The following AKR1E2 variants were observed in gnomAD, a reference collection of about 807,000 sequenced individuals.
The protein encoded by AKR1E2 is aldo-keto reductase family 1 member E2.
In AKR1E2, 43 loss-of-function variants were observed where a neutral mutation model predicts 41.9. The observed-to-expected ratio is 1.03, with a 90% confidence interval of 0.80 to 1.32. The LOEUF is 1.32. Ranked by LOEUF, AKR1E2 falls within the 40% of genes most tolerant of loss-of-function variation. The pLI, the probability that AKR1E2 is intolerant of heterozygous loss-of-function variation, is 0.00. For missense variants in AKR1E2, 423 were observed against 396.5 expected, an observed-to-expected ratio of 1.07 and a Z score of -0.57; for synonymous variants, 121 against 138.9, an observed-to-expected ratio of 0.87 and a Z score of 0.91.
At chr10:4,841,978 C>A in intron 7 of AKR1E2, 121 bp downstream of exon 7, 1 of 775,194 alleles carries the variant, frequency 1.3e-6, no homozygotes, top group South Asian at 2.2e-5. Flanking sequence ...GTCCATGACT[C>A]ATTAGAACCT....
downstream of AKR1E2, among the ~76,000 whole-genome samples, chr10:4,850,514 A>G (rs922045389): frequency 1.3e-5 from 2 of 152,126 alleles, no homozygotes; most frequent in Non-Finnish European, 2.9e-5. Flanking sequence ...GTTTTGAGAA[A>G]CTGCCAACTG....
chr10:4,832,007 G>A (rs1288403607), intron 2 of AKR1E2, among the ~76,000 whole-genome samples: 2 of 152,192 alleles, frequency 1.3e-5, no homozygotes, highest in Admixed American at 6.5e-5. Context: ...GAGGGAGGGA[G>A]AAGAGGAAAT....
Position 4,841,516 on chromosome 10 carries a change from G to A in AKR1E2, c.681-269G>A, listed in dbSNP as rs12569715. Among the ~76,000 whole-genome samples, 5,297 of 152,208 alleles carry A rather than the reference G, an allele frequency of 0.035. 149 individuals carry two copies. The highest frequency in any genetic ancestry group is 0.11 in the East Asian group (587 of 5,142). Reference sequence around the variant, plus strand: ...TGAGAGCCCACTGGCTGCATGCGCTGACATGGCCACCTGGTTTTTGAGGAG... The same window carrying A: ...TGAGAGCCCACTGGCTGCATGCGCTAACATGGCCACCTGGTTTTTGAGGAG... On this transcript the variant is annotated intron_variant, in intron 6 of 9. Transcript: ENST00000298375.
chr10:4,833,426 A>G lies in AKR1E2; in HGVS notation c.284A>G (p.Tyr95Cys), dbSNP rs775973137. The change falls in exon 3 of 10, where the codon TAT becomes TGT. Residue 95 changes from tyrosine (Y) to cysteine (C), a missense_variant. Physicochemically the swap from Tyr to Cys is radical, Grantham distance 194 (BLOSUM62 -2). Coordinates refer to ENST00000298375, the MANE Select transcript of AKR1E2 (RefSeq NM_001040177.3). ...AGTCTCAAGGCCTTGAAGCTGAACT[A>G]TTTGGACCTCTACCTCATACACTGG... is the stretch of plus-strand genomic sequence containing the variant. ...RKSLKALKLNYLDLYLIHWPM... is the reference protein window; with the variant it reads ...RKSLKALKLNCLDLYLIHWPM... 9.9e-6 allele frequency: 16 copies of G among 1,613,972 alleles called. No homozygotes were observed. The highest frequency in any genetic ancestry group is 8.9e-5 in the East Asian group (4 of 44,880).
In AKR1E2 at chr10:4,841,544, A is replaced by G. The variant is rs12573159; in HGVS notation, c.681-241A>G. 0.035 allele frequency among the ~76,000 whole-genome samples: 5,298 copies of G among 152,236 alleles called. 150 individuals carry two copies. Among genetic ancestry groups the G allele is most frequent in the East Asian group, 0.11 (585 of 5,134 alleles). ...ATGGCCACCTGGTTTTTGAGGAGAAACACCAAATACACATGAAAAGTGATG... is the reference window on the plus strand; with the variant it reads ...ATGGCCACCTGGTTTTTGAGGAGAAGCACCAAATACACATGAAAAGTGATG... On this transcript the variant is annotated intron_variant, in intron 6 of 9. Coordinates refer to ENST00000298375, the MANE Select transcript of AKR1E2 (RefSeq NM_001040177.3).
At chr10:4,871,839 T>C in the AKR1E2 span, 1 of 152,222 alleles carries the variant, frequency 6.6e-6, no homozygotes, top group African/African-American at 2.4e-5. Flanking sequence ...CCATGAGATA[T>C]TCTCTATTCA....
Position 4,844,190 on chromosome 10 carries a change from G to A in AKR1E2, c.837+1686G>A, listed in dbSNP as rs540213614. Among the ~76,000 whole-genome samples the A allele has an allele frequency of 3.6e-3, 555 of 152,264 alleles. 5 individuals carry two copies. The highest frequency in any genetic ancestry group is 5.0e-3 in the Non-Finnish European group (343 of 68,026). ...GTGTTCGGAGTTTCTTCCTTCTGGTGGGTTCATGGTCTCACTGGCTTAGGA... is the reference window on the plus strand; with the variant it reads ...GTGTTCGGAGTTTCTTCCTTCTGGTAGGTTCATGGTCTCACTGGCTTAGGA... On this transcript the variant is annotated intron_variant, in intron 8 of 9. Transcript: ENST00000298375.
rs551105951 is a variant in AKR1E2, at chr10:4,835,534, G to T, written c.325-141G>T. 17 of 1,053,882 alleles carry T rather than the reference G, an allele frequency of 1.6e-5. No homozygotes were observed. The Admixed American group carries it at 5.0e-4, about 31-fold the overall frequency. 65.3% of individuals were successfully genotyped at this position (1,053,882 alleles called of 1,614,324 possible). A position where few individuals can be genotyped will look rare whatever the true frequency, so the allele number is the denominator to read the frequency against. ...CAGCCATTCATCTTTTCTTAGAAAGGTGAAGACTGGGCCTGGTCACATGGC... is the reference window on the plus strand; with the variant it reads ...CAGCCATTCATCTTTTCTTAGAAAGTTGAAGACTGGGCCTGGTCACATGGC... On this transcript the variant is annotated intron_variant, in intron 3 of 9. Coordinates refer to ENST00000298375, the MANE Select transcript of AKR1E2 (RefSeq NM_001040177.3).
downstream of AKR1E2, among the ~76,000 whole-genome samples, chr10:4,850,816 G>A (rs1013103489): frequency 2.0e-5 from 3 of 152,322 alleles, no homozygotes; most frequent in South Asian, 4.1e-4. Context: ...TCTTGGAACT[G>A]TGCATTTAGA....
chr10:4,855,069 G>A, the AKR1E2 span, among the ~76,000 whole-genome samples: 2 of 152,120 alleles, frequency 1.3e-5, no homozygotes, highest in Non-Finnish European at 2.9e-5. Context: ...GGAAAAGATC[G>A]CTTCATGACC....
intron 4 of AKR1E2, 64 bp from the exon 5 acceptor site, chr10:4,837,395 A>G: frequency 6.3e-7 from 1 of 1,587,128 alleles, no homozygotes; most frequent in Non-Finnish European, 8.6e-7. Context: ...AGAACTGCTG[A>G]GGGACGTAGA....
intron 8 of AKR1E2, among the ~76,000 whole-genome samples, chr10:4,844,988 C>A (rs1834209408): frequency 6.6e-6 from 1 of 152,182 alleles, no homozygotes; most frequent in Non-Finnish European, 1.5e-5. Flanking sequence ...GGGGAGGCTC[C>A]TGCTGCAGAG....
intron 8 of AKR1E2, among the ~76,000 whole-genome samples, chr10:4,843,614 G>A (rs11252775): frequency 0.42 from 63,691 of 152,156 alleles, 14,942 homozygotes; most frequent in East Asian, 0.68. Flanking sequence ...AGCAAGCATC[G>A]CCATTGGGGT....
the AKR1E2 span, among the ~76,000 whole-genome samples, chr10:4,857,126 CT>C: frequency 6.6e-6 from 1 of 152,186 alleles, no homozygotes; most frequent in African/African-American, 2.4e-5. Flanking sequence ...GCTTATTTCA[CT>C]TACCATATTG....
At position 4,837,588 on chromosome 10, in the gene AKR1E2, C is replaced by G; in HGVS notation, c.582+7C>G. The stretch of plus-strand genomic sequence containing the variant: ...CAAGCCACTAACCAACCAGGTAAGC[C>G]GATGGAAGCATCAGAGAGTTTAACC... On this transcript the variant is annotated splice_region_variant and intron_variant, in intron 5 of 9. Coordinates refer to ENST00000298375, the MANE Select transcript of AKR1E2 (RefSeq NM_001040177.3). 1 of 1,611,968 alleles carries G rather than the reference C, an allele frequency of 6.2e-7. No individual in the cohort carries two copies. Among genetic ancestry groups the G allele is most frequent in the African/African-American group, 1.3e-5 (1 of 75,018 alleles).
rs749601508 is a variant in AKR1E2, at chr10:4,835,714, T to C, written c.364T>C (p.Ser122Pro). The change falls in exon 4 of 10, where the codon TCC becomes CCC. Residue 122 changes from serine (S) to proline (P), a missense_variant. Coordinates refer to ENST00000298375, the MANE Select transcript of AKR1E2 (RefSeq NM_001040177.3). The part of the protein sequence containing the change: ...PEWIMSCSEL[S>P]FCLSHPRVQD... ...ATGGATCATGAGCTGCAGTGAACTT[T>C]CCTTCTGCCTCTCACATCCTCGAGT... 1.9e-6 allele frequency: 3 copies of C among 1,614,170 alleles called. No homozygotes were observed. The highest frequency in any genetic ancestry group is 3.3e-5 in the Admixed American group (2 of 60,030).
In AKR1E2 at chr10:4,841,661, G is replaced by A. The variant is rs939910556; in HGVS notation, c.681-124G>A. The A allele has an allele frequency of 4.2e-5, 28 of 669,256 alleles. 1 individual carries two copies. The Admixed American group carries it at 5.6e-4, about 13-fold the overall frequency. 41.5% of individuals were successfully genotyped at this position (669,256 alleles called of 1,614,324 possible). A position where few individuals can be genotyped will look rare whatever the true frequency, so the allele number is the denominator to read the frequency against. ...GCTTTTCTGCATTTTAAAATTTCCTGTAGTCGGCATGTGTCATGATCAGAA... is the reference window on the plus strand; with the variant it reads ...GCTTTTCTGCATTTTAAAATTTCCTATAGTCGGCATGTGTCATGATCAGAA... On this transcript the variant is annotated intron_variant, in intron 6 of 9. Coordinates refer to ENST00000298375, the MANE Select transcript of AKR1E2 (RefSeq NM_001040177.3).
chr10:4,857,490 C>A, the AKR1E2 span, among the ~76,000 whole-genome samples: 2 of 152,150 alleles, frequency 1.3e-5, no homozygotes, highest in South Asian at 2.1e-4. Flanking sequence ...TGTAAGTTTC[C>A]TGAAGCTTCC....
At position 4,843,743 on chromosome 10, in the gene AKR1E2, C is replaced by G. The variant is rs144761296; in HGVS notation, c.837+1239C>G. On this transcript the variant is annotated intron_variant, in intron 8 of 9. Transcript: ENST00000298375. The stretch of plus-strand genomic sequence containing the variant: ...AGGCAGGCCACCCACGATGGGAGGA[C>G]CAGGGGATGGGCAGGTTCCTCATGG... Among the ~76,000 whole-genome samples, 569 of 152,332 alleles carry G rather than the reference C, an allele frequency of 3.7e-3. 5 individuals carry two copies. The highest frequency in any genetic ancestry group is 0.013 in the African/African-American group (542 of 41,578).
Sources: allele counts gnomAD v4.1 joint callset (sites outside exome capture counted in the v4.1 genomes callset), GRCh38; gene constraint gnomAD v4.1.1; transcripts MANE v1.5; gene names NCBI Gene and HGNC (gene_info 2026-07-23, HGNC 2026-07-21).